Variants in RPH3A observed in about 807,000 individuals in gnomAD.
RPH3A encodes the protein rabphilin-3A.
Under a neutral mutation model 102.2 loss-of-function variants are expected in RPH3A, and 48 were observed. The observed-to-expected ratio is 0.47, with a 90% CI of 0.37 to 0.60. The LOEUF is 0.60. Ranked by LOEUF, RPH3A falls within the 20% of genes least tolerant of loss-of-function variation. The pLI, the probability that RPH3A is intolerant of heterozygous loss-of-function variation, is 0.00. For missense variants in RPH3A, 781 were observed against 910.1 expected, an observed-to-expected ratio of 0.86 and a Z score of 1.83; for synonymous variants, 310 against 324.3, an observed-to-expected ratio of 0.96 and a Z score of 0.47.
chr12:112,829,272 T>C (rs973942133), intron 3 of RPH3A, among the ~76,000 whole-genome samples: 1 of 152,084 alleles, frequency 6.6e-6, no homozygotes, highest in East Asian at 1.9e-4. Context: ...AAAGGCTTTT[T>C]TTTTTTCTTT....
intron 1 of RPH3A, among the ~76,000 whole-genome samples, chr12:112,648,598 A>AAAAAAAAAAAAAAAAAACCG (rs2039950923): frequency 7.0e-6 from 1 of 141,922 alleles, no homozygotes; most frequent in Non-Finnish European, 1.5e-5. Flanking sequence ...AAAAAAAAAA[A>AAAAAAAAAAAAAAAAAACCG]GCTAGGTGTT....
chr12:112,670,413 C>A (rs570481637), intron 1 of RPH3A, among the ~76,000 whole-genome samples: 1 of 152,108 alleles, frequency 6.6e-6, no homozygotes, highest in Non-Finnish European at 1.5e-5. Context: ...GAACTCCTGA[C>A]CTCAGGAGTT....
chr12:112,659,691 C>G (rs2136002266), intron 1 of RPH3A, among the ~76,000 whole-genome samples: 1 of 152,284 alleles, frequency 6.6e-6, no homozygotes, highest in South Asian at 2.1e-4. Flanking sequence ...CTAACTTTAT[C>G]TTTCTGTCAA....
At chr12:112,813,570 G>C (rs554393531) in intron 2 of RPH3A, among the ~76,000 whole-genome samples, 14 of 152,350 alleles carry the variant, frequency 9.2e-5, no homozygotes, top group African/African-American at 3.4e-4. Flanking sequence ...GTGTGAGGCA[G>C]AAAGCGTACT....
chr12:112,847,970 G>A lies in RPH3A; in HGVS notation c.230+128G>A, dbSNP rs1358001384. ...CTGGGCTTTGCCATTTGTGACTTAC[G>A]GGGCCACCTCCCCGCCCCACCCCCT... is the stretch of plus-strand genomic sequence containing the variant. On this transcript the variant is annotated intron_variant, in intron 5 of 21. Transcript: ENST00000389385. 2.3e-5 allele frequency: 23 copies of A among 984,516 alleles called. No individual in the cohort carries two copies. In the South Asian group the frequency reaches 2.9e-4, roughly 12 times the overall value. 61.0% of individuals were successfully genotyped at this position (984,516 alleles called of 1,614,324 possible).
intron 1 of RPH3A, among the ~76,000 whole-genome samples, chr12:112,721,639 A>ATTT (rs61408179): frequency 1.4e-5 from 2 of 144,538 alleles, no homozygotes; most frequent in South Asian, 2.2e-4. Flanking sequence ...TAGAAAATGG[A>ATTT]TTTTTTTTTT....
At chr12:112,677,823 T>C (rs232935) in intron 1 of RPH3A, among the ~76,000 whole-genome samples, 78,323 of 151,804 alleles carry the variant, frequency 0.52, 20,638 homozygotes, top group East Asian at 0.61. Context: ...AACTCTAGAA[T>C]GAGTTTTTCT....
chr12:112,644,806 C>T (rs2039916526), intron 1 of RPH3A, among the ~76,000 whole-genome samples: 2 of 152,186 alleles, frequency 1.3e-5, no homozygotes, highest in African/African-American at 4.8e-5. Flanking sequence ...AAGAAACTCG[C>T]TTTCCAGTAC....
In RPH3A at chr12:112,709,407, A is replaced by C. The variant is rs563219455; in HGVS notation, c.-139-82736A>C. ...TCTATAAAAAAATAAAAAATTACCC[A>C]GGGTTAGTGATGTGTGTCTGTAGTT... is the stretch of plus-strand genomic sequence containing the variant. On this transcript the variant is annotated intron_variant, in intron 1 of 21. Transcript: ENST00000543106. Among the ~76,000 whole-genome samples, 3 of 152,176 alleles carry C rather than the reference A, an allele frequency of 2.0e-5. No homozygotes were observed. In the South Asian group the frequency reaches 6.2e-4, roughly 32 times the overall value.
At chr12:112,892,644 T>C (rs1215250977) in intron 19 of RPH3A, among the ~76,000 whole-genome samples, 1 of 152,216 alleles carries the variant, frequency 6.6e-6, no homozygotes, top group Non-Finnish European at 1.5e-5. Context: ...AGTAGCTTGT[T>C]CATCAGTTTT....
chr12:112,896,179 C>T (rs1267805954), intron 21 of RPH3A, among the ~76,000 whole-genome samples: 2 of 151,992 alleles, frequency 1.3e-5, no homozygotes, highest in East Asian at 3.9e-4. Context: ...TTTGCATGTC[C>T]AGGATAAAAT....
intron 5 of RPH3A, among the ~76,000 whole-genome samples, chr12:112,855,479 C>A (rs1487667336): frequency 6.6e-6 from 1 of 152,206 alleles, no homozygotes; most frequent in African/African-American, 2.4e-5. Context: ...GACTCTGAAC[C>A]AAGGTGACCT....
At chr12:112,766,957 G>A (rs367797813) in intron 1 of RPH3A, among the ~76,000 whole-genome samples, 13 of 152,260 alleles carry the variant, frequency 8.5e-5, no homozygotes, top group Middle Eastern at 3.4e-3. Flanking sequence ...ACAAAGGCGC[G>A]TTTCAAGGAG....
chr12:112,736,678 G>A (rs115341614), intron 1 of RPH3A, among the ~76,000 whole-genome samples: 1,915 of 152,258 alleles, frequency 0.013, 39 homozygotes, highest in African/African-American at 0.043. Flanking sequence ...TAGGGCTGAC[G>A]CATACTAGGT....
chr12:112,745,122 A>G (rs1202130261), intron 1 of RPH3A, among the ~76,000 whole-genome samples: 2 of 152,124 alleles, frequency 1.3e-5, no homozygotes, highest in East Asian at 3.9e-4. Flanking sequence ...TGACTTTGAC[A>G]TCTTTGACGC....
intron 1 of RPH3A, among the ~76,000 whole-genome samples, chr12:112,672,894 T>A (rs2040144801): frequency 6.6e-6 from 1 of 152,068 alleles, no homozygotes. Context: ...TGCCTGTGCA[T>A]CAGGTCAGCC....
rs2042619104 is a variant in RPH3A, at chr12:112,866,822, C to G, written c.426C>G (p.Ile142Met). The G allele has an allele frequency of 6.2e-7, 1 of 1,610,152 alleles. No homozygotes were observed. Among genetic ancestry groups the G allele is most frequent in the African/African-American group, 1.3e-5 (1 of 74,868 alleles). ...NRLHSVWLCKICIEQREVWKR... is the reference protein window; with the variant it reads ...NRLHSVWLCKMCIEQREVWKR... Reference sequence around the variant, plus strand: ...TGCATTCTGTGTGGCTCTGCAAAATCTGCATTGAGCAGAGGGAGGTGAGTG... The same window carrying G: ...TGCATTCTGTGTGGCTCTGCAAAATGTGCATTGAGCAGAGGGAGGTGAGTG... The change falls in exon 7 of 22, where the codon ATC becomes ATG. Residue 142 changes from isoleucine (I) to methionine (M), a missense_variant. Transcript: ENST00000389385.
At chr12:112,816,320 T>C (rs2041671025) in intron 2 of RPH3A, among the ~76,000 whole-genome samples, 1 of 152,186 alleles carries the variant, frequency 6.6e-6, no homozygotes, top group African/African-American at 2.4e-5. Flanking sequence ...AAACATTTGG[T>C]GCAGCTTCTG....
intron 1 of RPH3A, among the ~76,000 whole-genome samples, chr12:112,576,211 G>A (rs962256030): frequency 6.6e-6 from 1 of 152,198 alleles, no homozygotes; most frequent in African/African-American, 2.4e-5. Flanking sequence ...CCAGGCAGGC[G>A]GCTCCAGAGT....
Sources: gnomAD v4.1 joint callset for allele counts (sites outside exome capture counted in the v4.1 genomes callset) on GRCh38, gnomAD v4.1.1 for gene constraint, MANE v1.5 for transcripts, NCBI Gene and HGNC (gene_info 2026-07-23, HGNC 2026-07-21) for gene names.